The following GARIN1A variants were observed in gnomAD, a reference collection of about 807,000 sequenced individuals.
GARIN1A encodes the protein golgi associated RAB2 interactor 1A.
chr7:128,680,135 G>C, the GARIN1A span: 8 of 1,561,154 alleles, frequency 5.1e-6, no homozygotes, highest in African/African-American at 2.7e-5. Flanking sequence ...GAAAGCCCCA[G>C]CTCACAGCAG....
At chr7:128,686,194 C>T in the GARIN1A span, 2 of 152,172 alleles carry the variant, frequency 1.3e-5, no homozygotes, top group Non-Finnish European at 2.9e-5. Context: ...GCCTGGGCGA[C>T]AGAGCCAGAT....
chr7:128,673,004 A>T, the GARIN1A span, among the ~76,000 whole-genome samples: 1 of 152,156 alleles, frequency 6.6e-6, no homozygotes, highest in African/African-American at 2.4e-5. Context: ...CATTCCCTAA[A>T]AGGATGGTGG....
chr7:128,682,708 G>A, the GARIN1A span, among the ~76,000 whole-genome samples: 1 of 152,086 alleles, frequency 6.6e-6, no homozygotes, highest in African/African-American at 2.4e-5. Context: ...CTCCCGAGTA[G>A]CTGGAATTAC....
At chr7:128,677,089 T>G in the GARIN1A span, among the ~76,000 whole-genome samples, 1 of 151,166 alleles carries the variant, frequency 6.6e-6, no homozygotes, top group Non-Finnish European at 1.5e-5. Context: ...TGGAGAAGAG[T>G]CAGTCTTAGT....
At chr7:128,692,053 C>T in the GARIN1A span, among the ~76,000 whole-genome samples, 3 of 152,238 alleles carry the variant, frequency 2.0e-5, no homozygotes, top group South Asian at 6.2e-4. Flanking sequence ...TGGTTCTGGC[C>T]TATTCTCCAT....
chr7:128,694,871 G>A, the GARIN1A span, among the ~76,000 whole-genome samples: 4 of 152,196 alleles, frequency 2.6e-5, no homozygotes, highest in Non-Finnish European at 5.9e-5. Context: ...GAGTTCTGAA[G>A]GCTGAACTTC....
At chr7:128,677,515 A>AAAAAAG in the GARIN1A span, 18 of 1,463,586 alleles carry the variant, frequency 1.2e-5, 1 homozygote, top group East Asian at 5.0e-5. Context: ...AAAAAAAAAA[A>AAAAAAG]AAAAAGAAAC....
At chr7:128,696,298 C>T in the GARIN1A span, among the ~76,000 whole-genome samples, 4 of 152,106 alleles carry the variant, frequency 2.6e-5, no homozygotes, top group Admixed American at 6.6e-5. Context: ...GAATTACAAG[C>T]GTGAGCCCCT....
At chr7:128,703,028 G>A in the GARIN1A span, among the ~76,000 whole-genome samples, 82 of 152,274 alleles carry the variant, frequency 5.4e-4, no homozygotes, top group Non-Finnish European at 5.0e-4. Flanking sequence ...TGTAAAAATA[G>A]AGCTTCAAAA....
chr7:128,688,601 C>G, the GARIN1A span, among the ~76,000 whole-genome samples: 20,726 of 152,018 alleles, frequency 0.14, 1,585 homozygotes, highest in African/African-American at 0.19. Flanking sequence ...TCCTGAAAAT[C>G]CTAAGCCCTT....
At chr7:128,672,066 T>G in the GARIN1A span, among the ~76,000 whole-genome samples, 1 of 152,198 alleles carries the variant, frequency 6.6e-6, no homozygotes, top group African/African-American at 2.4e-5. Context: ...GGGTCATTTT[T>G]TCCATGTGGG....
the GARIN1A span, chr7:128,675,995 G>A: frequency 2.1e-5 from 12 of 567,474 alleles, no homozygotes; most frequent in African/African-American, 2.1e-4. Flanking sequence ...TCATTCATTT[G>A]TTTAGCAACG....
the GARIN1A span, chr7:128,687,837 T>C: frequency 8.5e-5 from 13 of 152,354 alleles, no homozygotes; most frequent in South Asian, 6.2e-4. Flanking sequence ...GCTCTGGCTG[T>C]TTGCTGTTGG....
chr7:128,693,815 CT>C, the GARIN1A span: 1 of 157,224 alleles, frequency 6.4e-6, no homozygotes, highest in East Asian at 1.8e-4. Flanking sequence ...CCGACTCCAC[CT>C]TTCTTTGTCA....
the GARIN1A span, among the ~76,000 whole-genome samples, chr7:128,708,726 G>C: frequency 6.6e-6 from 1 of 152,084 alleles, no homozygotes; most frequent in East Asian, 1.9e-4. Flanking sequence ...TTGGCCACCT[G>C]ACTTAACCTC....
chr7:128,678,377 C>T, the GARIN1A span, among the ~76,000 whole-genome samples: 16 of 152,252 alleles, frequency 1.1e-4, no homozygotes, highest in Non-Finnish European at 2.2e-4. Context: ...GTATGATCTA[C>T]ATTTCTGATT....
chr7:128,675,552 G>A, the GARIN1A span: 9 of 955,116 alleles, frequency 9.4e-6, no homozygotes, highest in East Asian at 2.6e-5. Context: ...ATCAATAGCA[G>A]GTCAGGGCCC....
At chr7:128,677,072 T>C in the GARIN1A span, among the ~76,000 whole-genome samples, 1 of 151,902 alleles carries the variant, frequency 6.6e-6, no homozygotes, top group Non-Finnish European at 1.5e-5. Context: ...ACTAAAGTCC[T>C]GGAAATTGGA....
At chr7:128,688,831 C>T in the GARIN1A span, among the ~76,000 whole-genome samples, 2 of 133,706 alleles carry the variant, frequency 1.5e-5, no homozygotes, top group African/African-American at 5.6e-5. Context: ...TCTCTTTCCA[C>T]CGTCTCCCTC....
Sources: gnomAD v4.1 joint callset for allele counts (sites outside exome capture counted in the v4.1 genomes callset) on GRCh38, gnomAD v4.1.1 for gene constraint, MANE v1.5 for transcripts, NCBI Gene and HGNC (gene_info 2026-07-23, HGNC 2026-07-21) for gene names.